Variants in ANKRD33B observed in about 807,000 individuals in gnomAD.
The protein encoded by ANKRD33B is ankyrin repeat domain-containing protein 33B.
In ANKRD33B, 6 loss-of-function variants were observed where a neutral mutation model predicts 21.5. The observed-to-expected ratio is 0.28, with a 90% CI of 0.15 to 0.55. ANKRD33B has a LOEUF of 0.55. Ranked by LOEUF, ANKRD33B falls within the 20% of genes least tolerant of loss-of-function variation. The pLI is 0.94. For synonymous variants in ANKRD33B, 347 were observed against 342.4 expected (o/e 1.01, Z -0.15); for missense variants, 698 against 747.2 (o/e 0.93, Z 0.77).
chr5:10,589,782 G>A (rs183342254), intron 1 of ANKRD33B, among the ~76,000 whole-genome samples: 17 of 152,152 alleles, frequency 1.1e-4, no homozygotes, highest in African/African-American at 4.1e-4. Context: ...TGAATATGCG[G>A]CTTGATATCT....
intron 1 of ANKRD33B, among the ~76,000 whole-genome samples, chr5:10,591,592 T>C (rs901936735): frequency 1.3e-5 from 2 of 152,214 alleles, no homozygotes; most frequent in Non-Finnish European, 2.9e-5. Context: ...GAACTATTAA[T>C]GAATTCATCT....
intron 1 of ANKRD33B, among the ~76,000 whole-genome samples, chr5:10,572,055 AT>A (rs1169846439): frequency 6.6e-6 from 1 of 151,860 alleles, no homozygotes; most frequent in Non-Finnish European, 1.5e-5. Context: ...TGTCTGGCTA[AT>A]TTTTGTATTT....
At chr5:10,602,038 G>A (rs1171717227) in intron 1 of ANKRD33B, among the ~76,000 whole-genome samples, 3 of 152,262 alleles carry the variant, frequency 2.0e-5, no homozygotes, top group Admixed American at 6.5e-5. Context: ...CAGAGACTGG[G>A]CAAGACAAGA....
chr5:10,641,465 G>A (rs766887830), intron 3 of ANKRD33B, among the ~76,000 whole-genome samples: 15 of 151,888 alleles, frequency 9.9e-5, no homozygotes. Context: ...CTGACATCCC[G>A]TGATCTGCCC....
intron 1 of ANKRD33B, among the ~76,000 whole-genome samples, chr5:10,609,887 T>C (rs149044792): frequency 3.9e-5 from 6 of 152,094 alleles, no homozygotes; most frequent in African/African-American, 1.4e-4. Context: ...ATAGCCTGGG[T>C]GACAGAGTGA....
At chr5:10,607,976 T>C (rs1020373444) in intron 1 of ANKRD33B, among the ~76,000 whole-genome samples, 1 of 152,176 alleles carries the variant, frequency 6.6e-6, no homozygotes, top group Non-Finnish European at 1.5e-5. Context: ...TCTGGTGTTT[T>C]GCACAATCTT....
intron 2 of ANKRD33B, among the ~76,000 whole-genome samples, chr5:10,620,580 T>C (rs1430054452): frequency 6.6e-6 from 1 of 152,200 alleles, no homozygotes; most frequent in East Asian, 1.9e-4. Flanking sequence ...CTTTGTGCGT[T>C]AGAGATAATA....
At chr5:10,569,827 A>T (rs978865643) in intron 1 of ANKRD33B, among the ~76,000 whole-genome samples, 3 of 152,070 alleles carry the variant, frequency 2.0e-5, no homozygotes, top group Non-Finnish European at 2.9e-5. Flanking sequence ...GGTGGGGAGC[A>T]TTCTGAGTCT....
rs569467982 is a variant in ANKRD33B at position 10,597,171 on chromosome 5, G to T, written c.367-21162G>T. Among the ~76,000 whole-genome samples the T allele has an allele frequency of 7.9e-4, 121 of 152,240 alleles. 1 individual carries two copies. Among genetic ancestry groups the T allele is most frequent in the African/African-American group, 2.8e-3 (115 of 41,536 alleles). On this transcript the variant is annotated intron_variant, in intron 1 of 3. Transcript: ENST00000296657. ...TAACCAGCTAGCATCGTGATGACAG[G>T]ATCAGACTCACACATAGCAATATTA...
rs1219803199 is a variant in ANKRD33B, at chr5:10,649,416, TGCCGCC to T, written c.792_797del (p.Pro266_Pro267del). On this transcript the variant is annotated inframe_deletion, in exon 4 of 4. Transcript: ENST00000296657. ...TTCTGGGAGAAGTACCGGCCCGAGC[TGCCGCC>T]GCCCCCTGAAGCGGCGCGGAAGCCC... The T allele has an allele frequency of 6.5e-7, 1 of 1,535,202 alleles. No individual in the cohort carries two copies. Among genetic ancestry groups the T allele is most frequent in the African/African-American group, 1.4e-5 (1 of 73,020 alleles).
intron 1 of ANKRD33B, among the ~76,000 whole-genome samples, chr5:10,594,470 G>T (rs1342388085): frequency 2.6e-5 from 4 of 151,914 alleles, no homozygotes; most frequent in African/African-American, 9.7e-5. Flanking sequence ...TGCCCTCCTC[G>T]GCCTCCCAAA....
intron 1 of ANKRD33B, among the ~76,000 whole-genome samples, chr5:10,617,390 C>T (rs1250741962): frequency 1.3e-5 from 2 of 152,198 alleles, no homozygotes; most frequent in Non-Finnish European, 2.9e-5. Flanking sequence ...ATGGCAACTG[C>T]ATCCTCTCAG....
At chr5:10,608,301 TGAGC>T (rs1300648722) in intron 1 of ANKRD33B, among the ~76,000 whole-genome samples, 1 of 145,026 alleles carries the variant, frequency 6.9e-6, no homozygotes, top group Non-Finnish European at 1.5e-5. Flanking sequence ...GACATTGCAG[TGAGC>T]CAAGATTGTG....
At chr5:10,598,432 A>G (rs1735863230) in intron 1 of ANKRD33B, among the ~76,000 whole-genome samples, 1 of 151,806 alleles carries the variant, frequency 6.6e-6, no homozygotes, top group Non-Finnish European at 1.5e-5. Flanking sequence ...ATGCCTGGCT[A>G]ATTTTTGTAT....
rs756575553 is a variant in ANKRD33B, at chr5:10,573,874, G to A, written c.366+9041G>A. ...GATGCGATTTGTGTGGGGACACAGG[G>A]AAACCATATCACATACTTAATGACA... On this transcript the variant is annotated intron_variant, in intron 1 of 3. Coordinates refer to ENST00000296657, the MANE Select transcript of ANKRD33B (RefSeq NM_001164440.2). Among the ~76,000 whole-genome samples the A allele has an allele frequency of 7.6e-4, 115 of 152,146 alleles. 6 individuals are homozygous for A. Among genetic ancestry groups the A allele is most frequent in the Admixed American group, 2.0e-4 (3 of 15,282 alleles).
chr5:10,628,118 GAGTC>G (rs1173731391), intron 2 of ANKRD33B: 3 of 152,260 alleles, frequency 2.0e-5, no homozygotes, highest in African/African-American at 2.4e-5. Context: ...TGAGTGCCTT[GAGTC>G]AGTCAATCTT....
rs1258936421 is a variant in ANKRD33B at position 10,564,384 on chromosome 5, G to A, written c.-84G>A. ...ACGGCTTCTCTGGGGACGCAGAAGCGAGAAGCGGGGACCTCGGCGCGCGCC... is the reference window on the plus strand; with the variant it reads ...ACGGCTTCTCTGGGGACGCAGAAGCAAGAAGCGGGGACCTCGGCGCGCGCC... On this transcript the variant is annotated 5_prime_UTR_variant, in exon 1 of 4. Transcript: ENST00000296657. The A allele has an allele frequency of 1.1e-6, 1 of 930,600 alleles. No homozygotes were observed. The highest frequency in any genetic ancestry group is 1.8e-5 in the African/African-American group (1 of 56,158). 57.6% of individuals were successfully genotyped at this position (930,600 alleles called of 1,614,324 possible).
rs1310779588 is a variant in ANKRD33B at position 10,652,418 on chromosome 5, T to G, written c.*2305T>G. On this transcript the variant is annotated 3_prime_UTR_variant, in exon 4 of 4. Transcript: ENST00000296657. This position sits in a 1 kb window ranked among gnomAD's most constrained non-coding sequence, Gnocchi z 4.1. ...AGAGGGCTCCACCTCCCCAAGAATGTCTCATTGTCATTGGAACAGCCAGGG... is the reference window on the plus strand; with the variant it reads ...AGAGGGCTCCACCTCCCCAAGAATGGCTCATTGTCATTGGAACAGCCAGGG... The G allele has an allele frequency of 6.6e-6, 1 of 152,484 alleles. No individual in the cohort carries two copies. The highest frequency in any genetic ancestry group is 2.4e-5 in the African/African-American group (1 of 41,462). The allele number at this position is 152,484 out of a possible 1,614,324, so 9.4% of individuals were successfully genotyped here. A position where few individuals can be genotyped will look rare whatever the true frequency, so the allele number is the denominator to read the frequency against.
At position 10,564,147 on chromosome 5, in the gene ANKRD33B, C is replaced by T; in HGVS notation, c.-321C>T. Among the ~76,000 whole-genome samples, 1 of 152,096 alleles carries T rather than the reference C, an allele frequency of 6.6e-6. No homozygotes were observed. Among genetic ancestry groups the T allele is most frequent in the East Asian group, 1.9e-4 (1 of 5,150 alleles). ...CTGCCAGGTGCCCAGTCCCCGCGCT[C>T]GAGAGAGCGCCTGCCTGGCTCTGAA... On this transcript the variant is annotated 5_prime_UTR_variant, in exon 1 of 4. Coordinates refer to ENST00000296657, the MANE Select transcript of ANKRD33B (RefSeq NM_001164440.2).
Sources: gnomAD v4.1 joint callset for allele counts (sites outside exome capture counted in the v4.1 genomes callset) on GRCh38, gnomAD v4.1.1 for gene constraint, Gnocchi (gnomAD v3.1) non-coding constraint, MANE v1.5 for transcripts, NCBI Gene and HGNC (gene_info 2026-07-23, HGNC 2026-07-21) for gene names.